The following DTD1 variants were observed in gnomAD, a reference collection of about 807,000 sequenced individuals.
DTD1 encodes D-tyrosyl-tRNA deacylase 1 homolog.
DTD1 carries 13 observed loss-of-function variants against 25.6 expected under a neutral mutation model. The ratio of observed to expected loss-of-function variants is 0.51; its 90% CI spans 0.33 to 0.81. The LOEUF (loss-of-function observed/expected upper bound fraction) is 0.81, where lower values mean the gene tolerates loss of function less well. Ranked by LOEUF, DTD1 falls within the 30% of genes least tolerant of loss-of-function variation. The pLI, the probability that DTD1 is intolerant of heterozygous loss-of-function variation, is 0.02. For synonymous variants in DTD1, 110 were observed against 103.6 expected, an observed-to-expected ratio of 1.06 and a Z score of -0.37; for missense variants, 193 against 266.4, an observed-to-expected ratio of 0.72 and a Z score of 1.92.
At chr20:18,599,641 A>C (rs1266256462) in intron 3 of DTD1, among the ~76,000 whole-genome samples, 1 of 152,248 alleles carries the variant, frequency 6.6e-6, no homozygotes, top group South Asian at 2.1e-4. Flanking sequence ...CCCACCAGCA[A>C]TGAACGAGAG....
intron 5 of DTD1, among the ~76,000 whole-genome samples, chr20:18,747,698 T>C (rs79339441): frequency 0.01 from 1,545 of 152,238 alleles, 16 homozygotes; most frequent in African/African-American, 0.025. Flanking sequence ...CTGCAGTGAA[T>C]TGGGACCTTA....
chr20:18,656,792 A>G (rs974003411), intron 4 of DTD1, among the ~76,000 whole-genome samples: 4 of 152,248 alleles, frequency 2.6e-5, no homozygotes, highest in African/African-American at 9.6e-5. Context: ...TGGCCGTGGC[A>G]GAACAGCCTC....
chr20:18,684,861 C>T (rs2061010643), intron 4 of DTD1, among the ~76,000 whole-genome samples: 1 of 151,792 alleles, frequency 6.6e-6, no homozygotes, highest in African/African-American at 2.4e-5. Context: ...TTGTAAGTGA[C>T]TGTGCCTGAG....
chr20:18,653,614 A>T (rs1421154654), intron 4 of DTD1, among the ~76,000 whole-genome samples: 1 of 152,250 alleles, frequency 6.6e-6, no homozygotes, highest in Non-Finnish European at 1.5e-5. Flanking sequence ...TACTTGTTTA[A>T]CAATTAGACA....
At chr20:18,686,676 G>GT (rs71194258) in intron 4 of DTD1, among the ~76,000 whole-genome samples, 28 of 136,698 alleles carry the variant, frequency 2.0e-4, no homozygotes, top group African/African-American at 5.7e-4. Context: ...GTGTGTGTGT[G>GT]GTGTGTGTGT....
intron 4 of DTD1, among the ~76,000 whole-genome samples, chr20:18,653,862 G>A (rs928026670): frequency 6.6e-6 from 1 of 152,178 alleles, no homozygotes; most frequent in African/African-American, 2.4e-5. Flanking sequence ...CAGTTTTAAA[G>A]TTTCAAATCC....
At chr20:18,759,561 C>T (rs944770917) in intron 5 of DTD1, among the ~76,000 whole-genome samples, 17 of 152,164 alleles carry the variant, frequency 1.1e-4, no homozygotes, top group African/African-American at 3.9e-4. Context: ...TGAATATTGG[C>T]CCCCACTCTC....
At chr20:18,722,980 A>G (rs988354477) in intron 4 of DTD1, among the ~76,000 whole-genome samples, 1 of 152,266 alleles carries the variant, frequency 6.6e-6, no homozygotes, top group African/African-American at 2.4e-5. Context: ...TAGAAACAAC[A>G]TCTAAATAAA....
At chr20:18,733,257 AACTTCTGGAC>A (rs2061244718) in intron 4 of DTD1, among the ~76,000 whole-genome samples, 1 of 152,160 alleles carries the variant, frequency 6.6e-6, no homozygotes, top group Non-Finnish European at 1.5e-5. Context: ...TAGAATCCTT[AACTTCTGGAC>A]ACTTCTGGCC....
chr20:18,632,325 T>C (rs2060791770), intron 4 of DTD1: 2 of 985,334 alleles, frequency 2.0e-6, no homozygotes, highest in Non-Finnish European at 2.4e-6. Flanking sequence ...CATGGACCAG[T>C]TTCCTGGCCC....
chr20:18,637,200 A>G (rs2060810878), intron 4 of DTD1, among the ~76,000 whole-genome samples: 1 of 152,240 alleles, frequency 6.6e-6, no homozygotes, highest in South Asian at 2.1e-4. Flanking sequence ...GCCAGGAAAC[A>G]AGATGGCTTT....
At chr20:18,623,425 G>A (rs1319215923) in intron 3 of DTD1, among the ~76,000 whole-genome samples, 2 of 151,928 alleles carry the variant, frequency 1.3e-5, no homozygotes, top group Non-Finnish European at 1.5e-5. Context: ...TTTAATGAGT[G>A]TGTGATTTAT....
At chr20:18,645,085 GGC>G (rs2060845601) in intron 4 of DTD1, among the ~76,000 whole-genome samples, 1 of 152,180 alleles carries the variant, frequency 6.6e-6, no homozygotes, top group Non-Finnish European at 1.5e-5. Context: ...AGGGGGTTGA[GGC>G]CACAGTGAGC....
chr20:18,593,623 A>C (rs1436798615), intron 1 of DTD1, 108 bp from the exon 2 acceptor site: 1 of 741,208 alleles, frequency 1.3e-6, no homozygotes. Flanking sequence ...TAACCAAAGA[A>C]GTTATAAGAA....
intron 3 of DTD1, among the ~76,000 whole-genome samples, chr20:18,610,010 C>G (rs765700825): frequency 8.5e-5 from 13 of 152,198 alleles, no homozygotes; most frequent in African/African-American, 1.2e-4. Flanking sequence ...TTGTTCTTCT[C>G]TGCTTGCAGG....
chr20:18,609,893 C>T (rs1318633591), intron 3 of DTD1, among the ~76,000 whole-genome samples: 3 of 152,206 alleles, frequency 2.0e-5, no homozygotes, highest in South Asian at 2.1e-4. Context: ...CTGGGATCCT[C>T]CAAAGTGGTT....
At chr20:18,687,229 G>A (rs148708702) in intron 4 of DTD1, among the ~76,000 whole-genome samples, 1 of 152,224 alleles carries the variant, frequency 6.6e-6, no homozygotes, top group Non-Finnish European at 1.5e-5. Flanking sequence ...GGAACTTCCA[G>A]GTTGGGTCCC....
At chr20:18,752,484 G>C (rs1242440727) in intron 5 of DTD1, among the ~76,000 whole-genome samples, 1 of 152,040 alleles carries the variant, frequency 6.6e-6, no homozygotes, top group Non-Finnish European at 1.5e-5. Flanking sequence ...CCCATCAGAG[G>C]CATCCTTCAT....
intron 4 of DTD1, among the ~76,000 whole-genome samples, chr20:18,738,336 A>C: frequency 6.6e-6 from 1 of 152,096 alleles, no homozygotes; most frequent in South Asian, 2.1e-4. Flanking sequence ...GTCCATGGGC[A>C]TGTGGTGTAA....
Sources: allele counts gnomAD v4.1 joint callset (sites outside exome capture counted in the v4.1 genomes callset), GRCh38; gene constraint gnomAD v4.1.1; transcripts MANE v1.5; gene names NCBI Gene and HGNC (gene_info 2026-07-23, HGNC 2026-07-21).